Variants in AKAP11 observed in about 807,000 individuals in gnomAD.
AKAP11 encodes A-kinase anchoring protein 11.
AKAP11 carries 36 observed loss-of-function variants against 146.1 expected under a neutral mutation model. That is an observed-to-expected ratio of 0.25 (90% CI 0.19 to 0.33). AKAP11 has a LOEUF of 0.33. Ranked by LOEUF, AKAP11 falls within the 10% of genes least tolerant of loss-of-function variation. The pLI is 1.00. For missense variants in AKAP11, 2,201 were observed against 2,197.0 expected (o/e 1.00, Z -0.04); for synonymous variants, 780 against 786.5 (o/e 0.99, Z 0.14).
Position 42,319,369 on chromosome 13 carries a change from TTTGTG to T in AKAP11, c.*144_*148del. The T allele has an allele frequency of 1.8e-6, 2 of 1,098,978 alleles. No individual in the cohort carries two copies. Among genetic ancestry groups the T allele is most frequent in the South Asian group, 1.7e-5 (1 of 60,028 alleles). 68.1% of individuals were successfully genotyped at this position (1,098,978 alleles called of 1,614,324 possible). A position where few individuals can be genotyped will look rare whatever the true frequency, so the allele number is the denominator to read the frequency against. ...CAAGTAAATATAGCTTTCTGAGCGC[TTTGTG>T]TTATCACTCGGTGTATATAGTTCAT... On this transcript the variant is annotated 3_prime_UTR_variant, in exon 13 of 13. Coordinates refer to ENST00000025301, the MANE Select transcript of AKAP11 (RefSeq NM_016248.4).
At chr13:42,295,568 AAAAAAATCCTTTTC>A (rs1959460403) in intron 4 of AKAP11, 113 bp from the exon 5 acceptor site, 2 of 866,056 alleles carry the variant, frequency 2.3e-6, no homozygotes, top group Non-Finnish European at 3.5e-6. Flanking sequence ...GTCATCTTTG[AAAAAAATCCTTTTC>A]AAGCAGACAG....
intron 8 of AKAP11, among the ~76,000 whole-genome samples, chr13:42,304,966 G>C (rs375234889): frequency 2.0e-4 from 31 of 152,228 alleles, no homozygotes; most frequent in East Asian, 1.5e-3. Flanking sequence ...GGCCAGGCTG[G>C]TCTTGAACTC....
Position 42,319,162 on chromosome 13 carries a change from G to A in AKAP11, c.5640G>A (p.Val1880=). Residue 1880 remains valine, a synonymous_variant, in exon 13 of 13, where the codon GTG becomes GTA. Transcript: ENST00000025301. ...AGGCTGTGCTTCAATACTATGAAGTGATGGAAAAAGCTTCCAGTGAGGAGA... is the reference window on the plus strand; with the variant it reads ...AGGCTGTGCTTCAATACTATGAAGTAATGGAAAAAGCTTCCAGTGAGGAGA... The part of the protein sequence containing the change: ...LLQAVLQYYE[V]MEKASSEERC... The A allele has an allele frequency of 1.9e-6, 3 of 1,614,072 alleles. No individual in the cohort carries two copies. Among genetic ancestry groups the A allele is most frequent in the East Asian group, 2.2e-5 (1 of 44,870 alleles).
intron 1 of AKAP11, among the ~76,000 whole-genome samples, chr13:42,272,891 T>TA (rs1454858005): frequency 6.6e-6 from 1 of 152,194 alleles, no homozygotes; most frequent in Non-Finnish European, 1.5e-5. Flanking sequence ...TTATAAAAAA[T>TA]ATGTAGATGT....
chr13:42,279,681 C>T (rs926978716), intron 1 of AKAP11, among the ~76,000 whole-genome samples: 2 of 152,100 alleles, frequency 1.3e-5, no homozygotes, highest in African/African-American at 4.8e-5. Context: ...TCTAGGTCTT[C>T]ATTTATTGCC....
intron 1 of AKAP11, among the ~76,000 whole-genome samples, chr13:42,274,042 A>C (rs1223696419): frequency 6.6e-6 from 1 of 152,212 alleles, no homozygotes; most frequent in Non-Finnish European, 1.5e-5. Flanking sequence ...GAAGTAGAAA[A>C]ATAAATTTTT....
At chr13:42,277,288 A>G (rs904680715) in intron 1 of AKAP11, among the ~76,000 whole-genome samples, 2 of 152,240 alleles carry the variant, frequency 1.3e-5, no homozygotes, top group East Asian at 3.8e-4. Context: ...TGTAGGTCTA[A>G]TGAGTTTTTT....
At chr13:42,291,595 C>CAT (rs1405459677) in intron 3 of AKAP11, among the ~76,000 whole-genome samples, 1 of 152,130 alleles carries the variant, frequency 6.6e-6, no homozygotes, top group Admixed American at 6.5e-5. Flanking sequence ...TAGTGCACAA[C>CAT]ATACAGCAGG....
In AKAP11 at chr13:42,321,894, G is replaced by A. The variant is rs1961104501; in HGVS notation, c.*2666G>A. ...TTTTTACCAGTTTCAAAACCTTCAAGTGATATGTGGAAAAAAGTGAATGAG... is the reference window on the plus strand; with the variant it reads ...TTTTTACCAGTTTCAAAACCTTCAAATGATATGTGGAAAAAAGTGAATGAG... On this transcript the variant is annotated 3_prime_UTR_variant, in exon 13 of 13. Coordinates refer to ENST00000025301, the MANE Select transcript of AKAP11 (RefSeq NM_016248.4). The A allele has an allele frequency of 6.6e-6, 1 of 152,266 alleles. No homozygotes were observed. The highest frequency in any genetic ancestry group is 1.5e-5 in the Non-Finnish European group (1 of 67,998). The allele number at this position is 152,266 out of a possible 1,614,324, so 9.4% of individuals were successfully genotyped here.
intron 11 of AKAP11, among the ~76,000 whole-genome samples, chr13:42,316,080 G>T (rs549361330): frequency 6.6e-6 from 1 of 152,268 alleles, no homozygotes; most frequent in East Asian, 1.9e-4. Flanking sequence ...ACCATGCCTT[G>T]TACCATGGTA....
chr13:42,295,996 C>T (rs1430469430), intron 5 of AKAP11, among the ~76,000 whole-genome samples: 1 of 152,080 alleles, frequency 6.6e-6, no homozygotes, highest in Non-Finnish European at 1.5e-5. Context: ...TAAAAATTAA[C>T]AATTAGCCAA....
intron 1 of AKAP11, among the ~76,000 whole-genome samples, chr13:42,281,040 G>A (rs1959048196): frequency 6.6e-6 from 1 of 152,088 alleles, no homozygotes; most frequent in African/African-American, 2.4e-5. Context: ...TGGAGTAACT[G>A]GGATATTTAG....
At chr13:42,295,983 T>A (rs1344208679) in intron 5 of AKAP11, among the ~76,000 whole-genome samples, 1 of 152,214 alleles carries the variant, frequency 6.6e-6, no homozygotes, top group African/African-American at 2.4e-5. Context: ...AAGGTAAGAT[T>A]TGTAAAAATT....
intron 6 of AKAP11, among the ~76,000 whole-genome samples, 174 bp downstream of exon 6, chr13:42,297,356 A>T (rs935013382): frequency 2.6e-5 from 4 of 151,980 alleles, no homozygotes; most frequent in African/African-American, 9.6e-5. Context: ...CCTGAAGGAT[A>T]TAATAATTTT....
At chr13:42,282,765 G>A (rs764305991) in intron 1 of AKAP11, among the ~76,000 whole-genome samples, 4 of 152,100 alleles carry the variant, frequency 2.6e-5, no homozygotes, top group Non-Finnish European at 4.4e-5. Context: ...GGTTCACTTC[G>A]TAGTTGTTTG....
chr13:42,299,278 A>T (rs1200495018), intron 7 of AKAP11, 85 bp from the exon 8 acceptor site: 2 of 1,139,162 alleles, frequency 1.8e-6, no homozygotes, highest in Non-Finnish European at 2.4e-6. Flanking sequence ...TTATATGTTT[A>T]AAGTCAGTTT....
rs955451335 is a variant in AKAP11, at chr13:42,321,829, A to C, written c.*2601A>C. 10 of 152,292 alleles carry C rather than the reference A, an allele frequency of 6.6e-5. No individual in the cohort carries two copies. Among genetic ancestry groups the C allele is most frequent in the African/African-American group, 2.4e-4 (10 of 41,450 alleles). The allele number at this position is 152,292 out of a possible 1,614,324, so 9.4% of individuals were successfully genotyped here. A position where few individuals can be genotyped will look rare whatever the true frequency, so the allele number is the denominator to read the frequency against. ...GGCCCTTACGAAATACGTCTTTTTC[A>C]GAACTGTTAAAGTTTTGATGTACAT... On this transcript the variant is annotated 3_prime_UTR_variant, in exon 13 of 13. Transcript: ENST00000025301.
intron 12 of AKAP11, among the ~76,000 whole-genome samples, chr13:42,318,204 C>T (rs908081584): frequency 5.9e-5 from 9 of 152,166 alleles, no homozygotes; most frequent in African/African-American, 2.2e-4. Context: ...CCTTATTAGT[C>T]AAGATTTTCA....
chr13:42,283,478 T>A (rs1959105104), intron 1 of AKAP11, among the ~76,000 whole-genome samples: 1 of 152,224 alleles, frequency 6.6e-6, no homozygotes, highest in South Asian at 2.1e-4. Context: ...TATTCAATCT[T>A]GAATAAGGGT....
Sources: gnomAD v4.1 joint callset for allele counts (sites outside exome capture counted in the v4.1 genomes callset) on GRCh38, gnomAD v4.1.1 for gene constraint, MANE v1.5 for transcripts, NCBI Gene and HGNC (gene_info 2026-07-23, HGNC 2026-07-21) for gene names.